Variants in SLC9A2 observed in about 807,000 individuals in gnomAD.
The protein encoded by SLC9A2 is solute carrier family 9 member A2.
SLC9A2 carries 42 observed loss-of-function variants against 71.7 expected under a neutral mutation model. The ratio of observed to expected loss-of-function variants is 0.59; its 90% CI spans 0.46 to 0.76. The LOEUF is 0.76. Among genes scored for constraint, SLC9A2 ranks in the 30% least tolerant of loss-of-function variants. The pLI, the probability that SLC9A2 is intolerant of heterozygous loss-of-function variation, is 0.00. For synonymous variants in SLC9A2, 396 were observed against 392.5 expected (o/e 1.01, Z -0.10); for missense variants, 829 against 1,017.4 (o/e 0.81, Z 2.52).
At chr2:102,671,858 C>A (rs921842216) in intron 3 of SLC9A2, among the ~76,000 whole-genome samples, 3 of 152,176 alleles carry the variant, frequency 2.0e-5, no homozygotes, top group Non-Finnish European at 4.4e-5. Flanking sequence ...GCAATCCCAG[C>A]ACTCTGGGAG....
intron 1 of SLC9A2, among the ~76,000 whole-genome samples, chr2:102,625,352 G>A (rs1257556173): frequency 6.6e-6 from 1 of 152,030 alleles, no homozygotes; most frequent in African/African-American, 2.4e-5. Context: ...TTAAGTTCTA[G>A]GGTACATGTG....
intron 1 of SLC9A2, among the ~76,000 whole-genome samples, chr2:102,635,444 G>A (rs1432351222): frequency 1.3e-5 from 2 of 152,202 alleles, no homozygotes; most frequent in African/African-American, 2.4e-5. Context: ...AAGAATACAT[G>A]CACGCCTGTG....
At chr2:102,702,337 C>A in intron 8 of SLC9A2, 69 bp from the exon 9 acceptor site, 1 of 873,722 alleles carries the variant, frequency 1.1e-6, no homozygotes. Context: ...ACTTATATCT[C>A]TAAGGAAGAA....
At chr2:102,682,497 C>G (rs1290683497) in intron 3 of SLC9A2, among the ~76,000 whole-genome samples, 2 of 152,102 alleles carry the variant, frequency 1.3e-5, no homozygotes, top group Non-Finnish European at 2.9e-5. Context: ...ACCCTGGAGC[C>G]CTTCCTTTTC....
At chr2:102,683,539 C>G in intron 4 of SLC9A2, 61 bp downstream of exon 4, 1 of 1,290,508 alleles carries the variant, frequency 7.7e-7, no homozygotes, top group Non-Finnish European at 1.1e-6. Context: ...ATGGGGCTTT[C>G]CTTTTGTCAT....
intron 7 of SLC9A2, among the ~76,000 whole-genome samples, chr2:102,696,081 G>T (rs1222035948): frequency 4.0e-5 from 6 of 151,816 alleles, no homozygotes; most frequent in Non-Finnish European, 8.8e-5. Flanking sequence ...TAGGAGCAGT[G>T]GGGTACAGGA....
intron 3 of SLC9A2, 61 bp from the exon 4 acceptor site, chr2:102,683,200 C>G: frequency 8.3e-7 from 1 of 1,200,242 alleles, no homozygotes; most frequent in Non-Finnish European, 1.2e-6. Flanking sequence ...TAAGTGCTAT[C>G]TCTTGCATTC....
At chr2:102,671,426 C>A (rs1677250218) in intron 3 of SLC9A2, among the ~76,000 whole-genome samples, 1 of 152,000 alleles carries the variant, frequency 6.6e-6, no homozygotes, top group South Asian at 2.1e-4. Context: ...AAAGCATATA[C>A]CCCTTAATTT....
intron 1 of SLC9A2, among the ~76,000 whole-genome samples, chr2:102,646,760 C>T (rs555974350): frequency 5.4e-5 from 5 of 92,700 alleles, no homozygotes; most frequent in South Asian, 4.0e-4. Flanking sequence ...GAAGAGCTAA[C>T]GATCCTAAAT....
chr2:102,647,945 T>C (rs551790051), intron 1 of SLC9A2, among the ~76,000 whole-genome samples: 9 of 152,252 alleles, frequency 5.9e-5, no homozygotes, highest in African/African-American at 2.2e-4. Flanking sequence ...CCTTCTGAAA[T>C]TATTCCAAAC....
intron 1 of SLC9A2, among the ~76,000 whole-genome samples, chr2:102,652,424 C>G (rs1285091573): frequency 6.6e-6 from 1 of 152,162 alleles, no homozygotes; most frequent in East Asian, 1.9e-4. Flanking sequence ...GCACCTCTTT[C>G]CCATGGCGCC....
intron 1 of SLC9A2, among the ~76,000 whole-genome samples, chr2:102,625,973 C>A (rs1175383846): frequency 6.6e-6 from 1 of 152,208 alleles, no homozygotes; most frequent in Non-Finnish European, 1.5e-5. Flanking sequence ...CACATCCTCT[C>A]TAGCACCTGT....
chr2:102,700,933 T>C (rs1352372526), intron 7 of SLC9A2, 137 bp from the exon 8 acceptor site: 4 of 619,202 alleles, frequency 6.5e-6, no homozygotes, highest in Non-Finnish European at 1.1e-5. Flanking sequence ...ATACTAAATA[T>C]ATAAAATGAC....
In SLC9A2 at chr2:102,701,222, C is replaced by A; in HGVS notation, c.1739C>A (p.Ala580Glu). 6.3e-7 allele frequency: 1 copy of A among 1,596,868 alleles called. No homozygotes were observed. Among genetic ancestry groups the A allele is most frequent in the Non-Finnish European group, 8.5e-7 (1 of 1,174,576 alleles). Residue 580 changes from alanine (A) to glutamate (E), a missense_variant, in exon 8 of 12, where the codon GCA (alanine) becomes GAA (glutamate). Transcript: ENST00000233969. ...TGMISTVPTF[A>E]SLNDCREEKI... ...ATGATAAGTACTGTCCCTACATTTG[C>A]ATCTCTAAAGTAAGTATGGTCTTGC...
At chr2:102,665,842 A>G (rs1677127099) in intron 3 of SLC9A2, among the ~76,000 whole-genome samples, 1 of 149,176 alleles carries the variant, frequency 6.7e-6, no homozygotes, top group African/African-American at 2.4e-5. Context: ...GGAAATATGT[A>G]TCAGCAAAAC....
intron 5 of SLC9A2, among the ~76,000 whole-genome samples, chr2:102,693,618 G>A (rs984411428): frequency 1.3e-5 from 2 of 152,148 alleles, no homozygotes; most frequent in East Asian, 1.9e-4. Context: ...TTGCTGTGCT[G>A]TGGTCTCCAC....
chr2:102,698,040 G>A (rs1371429194), intron 7 of SLC9A2, among the ~76,000 whole-genome samples: 1 of 152,168 alleles, frequency 6.6e-6, no homozygotes, highest in African/African-American at 2.4e-5. Context: ...ATCCCTACAC[G>A]AAATAGAGCA....
chr2:102,664,963 A>C, intron 2 of SLC9A2, 137 bp from the exon 3 acceptor site: 3 of 905,986 alleles, frequency 3.3e-6, no homozygotes, highest in Non-Finnish European at 3.4e-6. Flanking sequence ...AAATGAATAC[A>C]CAATGATTGT....
chr2:102,659,286 A>AG (rs1309424859), intron 2 of SLC9A2, among the ~76,000 whole-genome samples: 78 of 151,748 alleles, frequency 5.1e-4, no homozygotes, highest in African/African-American at 1.7e-3. Flanking sequence ...AAAAAAAAAA[A>AG]AAAAATTAGC....
Sources: allele counts gnomAD v4.1 joint callset (sites outside exome capture counted in the v4.1 genomes callset), GRCh38; gene constraint gnomAD v4.1.1; transcripts MANE v1.5; gene names NCBI Gene and HGNC (gene_info 2026-07-23, HGNC 2026-07-21).